Variants in TSPAN9 observed in about 807,000 individuals in gnomAD.
The protein encoded by TSPAN9 is tetraspanin 9.
Under a neutral mutation model 31.0 loss-of-function variants are expected in TSPAN9, and 16 were observed. The observed-to-expected ratio is 0.52, with a 90% CI of 0.35 to 0.78. The LOEUF (loss-of-function observed/expected upper bound fraction) is 0.78, where lower values mean the gene tolerates loss of function less well. Ranked by LOEUF, TSPAN9 falls within the 30% of genes least tolerant of loss-of-function variation. The pLI is 0.01. For missense variants in TSPAN9, 272 were observed against 312.5 expected (o/e 0.87, Z 0.98); for synonymous variants, 145 against 121.6 (o/e 1.19, Z -1.27).
rs1245041007 is a variant in TSPAN9 at position 3,117,138 on chromosome 12, C to G, written c.-18+33419C>G. Among the ~76,000 whole-genome samples, 4 of 152,140 alleles carry G rather than the reference C, an allele frequency of 2.6e-5. No individual in the cohort carries two copies. In the East Asian group the frequency reaches 7.7e-4, roughly 29 times the overall value. ...CATAAAATTCCAGCTAAGGCCTGTC[C>G]CCATTTCCCCTCCTGTTTTCCAGGC... is the stretch of plus-strand genomic sequence containing the variant. On this transcript the variant is annotated intron_variant, in intron 2 of 8. Transcript: ENST00000011898.
intron 3 of TSPAN9, among the ~76,000 whole-genome samples, chr12:3,274,374 G>T (rs1325963133): frequency 4.6e-5 from 7 of 151,250 alleles, no homozygotes; most frequent in African/African-American, 1.7e-4. Context: ...GAGAGCTAAA[G>T]AATCTTAAGG....
chr12:3,081,470 G>A (rs10848786), intron 1 of TSPAN9, among the ~76,000 whole-genome samples: 50,760 of 151,862 alleles, frequency 0.33, 9,254 homozygotes, highest in Admixed American at 0.47. Flanking sequence ...CTTCCTGGTT[G>A]GTTCTTCCAT....
At chr12:3,131,209 C>T (rs1052981139) in intron 2 of TSPAN9, among the ~76,000 whole-genome samples, 3 of 151,674 alleles carry the variant, frequency 2.0e-5, no homozygotes, top group African/African-American at 7.3e-5. Flanking sequence ...ATTTCATTGT[C>T]CCAGCCGGCC....
intron 2 of TSPAN9, among the ~76,000 whole-genome samples, chr12:3,161,961 A>AT (rs1455511580): frequency 2.0e-5 from 3 of 152,100 alleles, no homozygotes; most frequent in African/African-American, 7.2e-5. Flanking sequence ...GATTACAGGC[A>AT]TGAGCCATGG....
chr12:3,218,697 G>A (rs1004690585), intron 3 of TSPAN9, among the ~76,000 whole-genome samples: 2 of 152,236 alleles, frequency 1.3e-5, no homozygotes, highest in African/African-American at 4.8e-5. Context: ...AGCACTGGGG[G>A]CTGAGCCCGC....
At chr12:3,133,295 G>A (rs888281035) in intron 2 of TSPAN9, among the ~76,000 whole-genome samples, 1 of 152,134 alleles carries the variant, frequency 6.6e-6, no homozygotes, top group African/African-American at 2.4e-5. Context: ...GTCTCACCAG[G>A]CACTTCCTAC....
Position 3,279,037 on chromosome 12 carries a change from C to T in TSPAN9, c.301C>T (p.Leu101Phe). 1 of 1,614,186 alleles carries T rather than the reference C, an allele frequency of 6.2e-7. No individual in the cohort carries two copies. The part of the protein sequence containing the change: ...LVILLAELIL[L>F]ILFFVYMDKV... ...CATCCTCCTAGCAGAGCTGATCTTACTCATCCTCTTCTTTGTCTACATGGA... is the reference window on the plus strand; with the variant it reads ...CATCCTCCTAGCAGAGCTGATCTTATTCATCCTCTTCTTTGTCTACATGGA... The change falls in exon 5 of 9, where the codon CTC becomes TTC. Residue 101 changes from leucine (L) to phenylalanine (F), a missense_variant. Transcript: ENST00000011898.
At chr12:3,131,262 G>T (rs973926222) in intron 2 of TSPAN9, among the ~76,000 whole-genome samples, 3 of 40,558 alleles carry the variant, frequency 7.4e-5, no homozygotes, top group African/African-American at 1.3e-4. Context: ...CCCAGGCACC[G>T]CGTGGTTGAG....
rs1591723652 is a variant in TSPAN9, at chr12:3,280,449, G to A, written c.398G>A (p.Gly133Glu). 2 of 1,613,192 alleles carry A rather than the reference G, an allele frequency of 1.2e-6. No homozygotes were observed. Among genetic ancestry groups the A allele is most frequent in the Non-Finnish European group, 1.7e-6 (2 of 1,180,008 alleles). The change falls in exon 6 of 9, where the codon GGG becomes GAG. Residue 133 changes from glycine to glutamate, a missense_variant. By Grantham distance (98) the Gly-to-Glu change is moderately conservative (BLOSUM62 -2). Transcript: ENST00000011898. The surrounding 1 kb of genome is among the most constrained non-coding windows in gnomAD (Gnocchi z 4.5). ...CTGTACCACACCGAGAACAACGTGGGGCTGAAGAACGCCTGGAACATCATC... is the reference window on the plus strand; with the variant it reads ...CTGTACCACACCGAGAACAACGTGGAGCTGAAGAACGCCTGGAACATCATC... The part of the protein sequence containing the change: ...LLLYHTENNV[G>E]LKNAWNIIQA...
chr12:3,219,692 C>T (rs1166350618), intron 3 of TSPAN9, among the ~76,000 whole-genome samples: 1 of 152,074 alleles, frequency 6.6e-6, no homozygotes, highest in East Asian at 1.9e-4. Context: ...GAACATCACA[C>T]ACCCTGGGGC....
At chr12:3,175,680 G>C (rs373655341) in intron 2 of TSPAN9, among the ~76,000 whole-genome samples, 2 of 152,356 alleles carry the variant, frequency 1.3e-5, no homozygotes, top group East Asian at 3.9e-4. Flanking sequence ...TTCTTTCGCT[G>C]TTGCAGTAAG....
intron 2 of TSPAN9, among the ~76,000 whole-genome samples, chr12:3,118,210 C>G (rs1431296646): frequency 7.0e-6 from 1 of 143,034 alleles, no homozygotes; most frequent in Non-Finnish European, 1.5e-5. Context: ...GCACTAACAG[C>G]TGCATTATCA....
chr12:3,274,028 G>A (rs551602731), intron 3 of TSPAN9, among the ~76,000 whole-genome samples: 4 of 152,306 alleles, frequency 2.6e-5, no homozygotes, highest in South Asian at 2.1e-4. Context: ...GGTGCCTGGC[G>A]TGGGGGGATA....
At chr12:3,102,584 C>G (rs1392746703) in intron 2 of TSPAN9, among the ~76,000 whole-genome samples, 1 of 151,884 alleles carries the variant, frequency 6.6e-6, no homozygotes. Context: ...ACTACAGGCG[C>G]CCGCCACCAC....
At chr12:3,212,335 G>A (rs571088540) in intron 3 of TSPAN9, among the ~76,000 whole-genome samples, 20 of 152,176 alleles carry the variant, frequency 1.3e-4, no homozygotes, top group African/African-American at 4.6e-4. Context: ...TCATGAACAT[G>A]GTATATTTCA....
chr12:3,277,700 C>T (rs530525286), intron 3 of TSPAN9, among the ~76,000 whole-genome samples: 36 of 152,250 alleles, frequency 2.4e-4, no homozygotes, highest in African/African-American at 8.2e-4. Flanking sequence ...GCTGGTGGCG[C>T]CGGCAGCCCC....
At chr12:3,102,823 T>G (rs1244650977) in intron 2 of TSPAN9, among the ~76,000 whole-genome samples, 1 of 152,216 alleles carries the variant, frequency 6.6e-6, no homozygotes. Flanking sequence ...AAATTGGATC[T>G]GGAACAGAGG....
chr12:3,177,222 C>T (rs1453646383), intron 2 of TSPAN9, among the ~76,000 whole-genome samples: 2 of 151,876 alleles, frequency 1.3e-5, no homozygotes, highest in Admixed American at 6.5e-5. Context: ...ACTGCCAGCT[C>T]CACCTCCTGG....
In TSPAN9 at chr12:3,086,329, A is replaced by AT. The variant is rs11356214; in HGVS notation, c.-18+2625dup. Among the ~76,000 whole-genome samples, 872 of 145,866 alleles carry AT rather than the reference A, an allele frequency of 6.0e-3. 10 individuals carry two copies. Among genetic ancestry groups the AT allele is most frequent in the African/African-American group, 0.021 (822 of 39,944 alleles). ...CCCGATACTTTGGAGCCAAATGTAG[A>AT]TTTTTTTTTTTTTTTGGCCTATTGT... On this transcript the variant is annotated intron_variant, in intron 2 of 8. Coordinates refer to ENST00000011898, the MANE Select transcript of TSPAN9 (RefSeq NM_006675.5).
Sources: gnomAD v4.1 joint callset for allele counts (sites outside exome capture counted in the v4.1 genomes callset) on GRCh38, gnomAD v4.1.1 for gene constraint, Gnocchi (gnomAD v3.1) non-coding constraint, MANE v1.5 for transcripts, NCBI Gene and HGNC (gene_info 2026-07-23, HGNC 2026-07-21) for gene names.